TALDO1: variants seen among roughly 807,000 people sequenced by gnomAD.
The protein encoded by TALDO1 is transaldolase.
A neutral mutation model predicts 38.1 loss-of-function variants in TALDO1; 29 were observed. The ratio of observed to expected loss-of-function variants is 0.76; its 90% confidence interval spans 0.57 to 1.04. The LOEUF is 1.04. Among genes scored for constraint, TALDO1 ranks in the 50% least tolerant of loss-of-function variants. The pLI, the probability that TALDO1 is intolerant of heterozygous loss-of-function variation, is 0.00. For synonymous variants in TALDO1, 207 were observed against 176.8 expected, an observed-to-expected ratio of 1.17 and a Z score of -1.36; for missense variants, 499 against 438.1, an observed-to-expected ratio of 1.14 and a Z score of -1.24.
At chr11:755,361 G>T (rs1320649772) in intron 1 of TALDO1, among the ~76,000 whole-genome samples, 1 of 151,992 alleles carries the variant, frequency 6.6e-6, no homozygotes, top group East Asian at 1.9e-4. Context: ...AGCCAGGATG[G>T]TCTTGATCTC....
At position 764,476 on chromosome 11, in the gene TALDO1, A is replaced by C. The variant is rs769069580; in HGVS notation, c.981+43A>C. On this transcript the variant is annotated intron_variant, in intron 7 of 7. Transcript: ENST00000319006. ...GTACCTACATATGCCAAGCCCTATG[A>C]GAGCCCGGGCCTGGGCGTCGGGGTT... is the stretch of plus-strand genomic sequence containing the variant. 4 of 1,601,252 alleles carry C rather than the reference A, an allele frequency of 2.5e-6. No homozygotes were observed. In the South Asian group the frequency reaches 4.4e-5, roughly 18 times the overall value.
At chr11:757,395 C>G (rs60281171) in intron 2 of TALDO1, among the ~76,000 whole-genome samples, 4,741 of 151,782 alleles carry the variant, frequency 0.031, 122 homozygotes, top group African/African-American at 0.072. Context: ...TAGGCTCAAG[C>G]CAGCCTCCCA....
At chr11:749,842 A>G (rs1490726757) in intron 1 of TALDO1, among the ~76,000 whole-genome samples, 2 of 152,230 alleles carry the variant, frequency 1.3e-5, no homozygotes, top group Non-Finnish European at 2.9e-5. Context: ...ACTGTGCCAG[A>G]TGTCATGTTG....
At chr11:752,730 G>A (rs1369406207) in intron 1 of TALDO1, among the ~76,000 whole-genome samples, 3 of 152,062 alleles carry the variant, frequency 2.0e-5, no homozygotes, top group Non-Finnish European at 4.4e-5. Context: ...TGTGTCCTTT[G>A]TATAATAAGC....
chr11:755,852 T>C (rs1239624312), intron 1 of TALDO1, 27 bp from the exon 2 acceptor site: 2 of 1,613,974 alleles, frequency 1.2e-6, no homozygotes, highest in Non-Finnish European at 1.7e-6. Context: ...CTCCACTTAC[T>C]TTGGCTTTTG....
intron 1 of TALDO1, among the ~76,000 whole-genome samples, chr11:748,008 C>T (rs1176822608): frequency 6.6e-6 from 1 of 152,224 alleles, no homozygotes; most frequent in Admixed American, 6.5e-5. Flanking sequence ...ACCCCGCACC[C>T]GGGACGGGCT....
intron 2 of TALDO1, among the ~76,000 whole-genome samples, chr11:757,725 T>C (rs189920463): frequency 6.6e-6 from 1 of 152,218 alleles, no homozygotes; most frequent in Non-Finnish European, 1.5e-5. Context: ...TTTGAAGAGA[T>C]AGAAAATATA....
At chr11:764,081 G>A (rs1220494252) in intron 6 of TALDO1, 137 bp downstream of exon 6, 12 of 1,338,506 alleles carry the variant, frequency 9.0e-6, no homozygotes, top group Admixed American at 2.0e-5. Context: ...AGACCTCAAC[G>A]GAGGGCTTGG....
intron 4 of TALDO1, among the ~76,000 whole-genome samples, chr11:762,915 G>T (rs559362953): frequency 6.6e-6 from 1 of 152,338 alleles, no homozygotes; most frequent in East Asian, 1.9e-4. Flanking sequence ...AGTGGTTCTA[G>T]CCTGGGAGCT....
Position 764,835 on chromosome 11 carries a change from A to G in TALDO1, c.1004A>G (p.Asn335Ser). Residue 335 changes from asparagine (N) to serine (S), a missense_variant, in exon 8 of 8, where the codon AAT becomes AGT. Coordinates refer to ENST00000319006, the MANE Select transcript of TALDO1 (RefSeq NM_006755.2). Reference sequence around the variant, plus strand: ...TAGGAACGAATGTTCAATGCAGAGAATGGAAAGTAGCGCATCCCTGAGGCT... The same window carrying G: ...TAGGAACGAATGTTCAATGCAGAGAGTGGAAAGTAGCGCATCCCTGAGGCT... ...MLTERMFNAE[N>S]GK The G allele has an allele frequency of 6.2e-7, 1 of 1,614,168 alleles. No individual in the cohort carries two copies. Among genetic ancestry groups the G allele is most frequent in the Non-Finnish European group, 8.5e-7 (1 of 1,180,042 alleles).
chr11:758,520 G>T (rs1362672171), intron 2 of TALDO1, among the ~76,000 whole-genome samples: 2 of 149,156 alleles, frequency 1.3e-5, no homozygotes, highest in Non-Finnish European at 3.0e-5. Flanking sequence ...TGTTTTAAGA[G>T]AAAAAAAAAG....
At chr11:756,619 G>T (rs933386303) in intron 2 of TALDO1, among the ~76,000 whole-genome samples, 2 of 150,042 alleles carry the variant, frequency 1.3e-5, no homozygotes, top group East Asian at 2.0e-4. Flanking sequence ...AGATTCAAGC[G>T]ATTCTCCTGC....
At chr11:763,601 C>T (rs1590071924) in intron 5 of TALDO1, 82 bp downstream of exon 5, 17 of 1,589,320 alleles carry the variant, frequency 1.1e-5, no homozygotes, top group South Asian at 4.4e-5. Flanking sequence ...ACGGAGCTGC[C>T]GCATCAACAA....
chr11:764,707 G>C (rs904377710), intron 7 of TALDO1, 106 bp from the exon 8 acceptor site: 1 of 1,570,900 alleles, frequency 6.4e-7, no homozygotes, highest in African/African-American at 1.4e-5. Context: ...CCCACACAGA[G>C]TGCAGACCCC....
intron 1 of TALDO1, among the ~76,000 whole-genome samples, chr11:755,545 T>C (rs1284239031): frequency 6.6e-6 from 1 of 152,138 alleles, no homozygotes; most frequent in Non-Finnish European, 1.5e-5. Context: ...GCGCGCCTCC[T>C]TGTGGTGGTA....
At chr11:747,933 G>A in intron 1 of TALDO1, among the ~76,000 whole-genome samples, 1 of 152,256 alleles carries the variant, frequency 6.6e-6, no homozygotes, top group East Asian at 1.9e-4. Context: ...CTTGCGAGCC[G>A]TGGGGCACGA....
intron 1 of TALDO1, among the ~76,000 whole-genome samples, chr11:751,802 CAATAAT>C (rs371535532): frequency 2.0e-5 from 3 of 151,548 alleles, no homozygotes; most frequent in Middle Eastern, 3.2e-3. Flanking sequence ...CTCAAAATAA[CAATAAT>C]AATAATAATA....
In TALDO1 at chr11:763,353, G is replaced by C; in HGVS notation, c.471G>C (p.Glu157Asp). ...WEGIQAGKEL[E>D]EQHGIHCNMT... ...TGTCCCCGCCCCGCAGGGAGCTCGA[G>C]GAGCAGCACGGCATCCACTGCAACA... The change falls in exon 5 of 8, where the codon GAG becomes GAC. Residue 157 changes from glutamate to aspartate, a missense_variant. Physicochemically the swap from Glu to Asp is conservative, Grantham distance 45. Transcript: ENST00000319006. 2 of 1,594,954 alleles carry C rather than the reference G, an allele frequency of 1.3e-6. No homozygotes were observed. Among genetic ancestry groups the C allele is most frequent in the Non-Finnish European group, 1.7e-6 (2 of 1,169,588 alleles).
intron 3 of TALDO1, 108 bp downstream of exon 3, chr11:759,165 A>T: frequency 1.1e-6 from 1 of 941,260 alleles, no homozygotes; most frequent in Non-Finnish European, 1.7e-6. Flanking sequence ...TCTTCATCCC[A>T]AGGGCCCAAG....
Sources: gnomAD v4.1 joint callset for allele counts (sites outside exome capture counted in the v4.1 genomes callset) on GRCh38, gnomAD v4.1.1 for gene constraint, MANE v1.5 for transcripts, NCBI Gene and HGNC (gene_info 2026-07-23, HGNC 2026-07-21) for gene names.